PODNL1: variants seen among roughly 807,000 people sequenced by gnomAD.
PODNL1 encodes podocan like 1, also known as podocan-like protein 1.
A neutral mutation model predicts 45.1 loss-of-function variants in PODNL1; 50 were observed. The observed-to-expected ratio is 1.11, with a 90% CI of 0.88 to 1.40. The LOEUF (loss-of-function observed/expected upper bound fraction) is 1.40. PODNL1 is among the 40% of genes most tolerant of loss of function. The pLI, the probability that PODNL1 is intolerant of heterozygous loss-of-function variation, is 0.00. For missense variants in PODNL1, 788 were observed against 793.3 expected (o/e 0.99, Z 0.08); for synonymous variants, 406 against 372.5 (o/e 1.09, Z -1.04).
chr19:13,932,907 G>A lies in PODNL1; in HGVS notation c.1316C>T (p.Pro439Leu). 6.3e-7 allele frequency: 1 copy of A among 1,591,152 alleles called. No homozygotes were observed. The highest frequency in any genetic ancestry group is 8.5e-7 in the Non-Finnish European group (1 of 1,170,366). Residue 439 changes from proline to leucine, a missense_variant, in exon 8 of 10, where the codon CCC (proline) becomes CTC (leucine). By Grantham distance (98) the Pro-to-Leu change is moderately conservative. This residue lies in a region of PODNL1 where 762 missense variants were observed against 750.9 expected (regional missense o/e 1.01). Coordinates refer to ENST00000588872, the MANE Select transcript of PODNL1 (RefSeq NM_001370095.3). ...LQRNQLRMLE[P>L]EPLAGLDQLR... ...TTGGTCCAGGCCGGCCAGAGGCTCG[G>A]GCTCGAGCATCCGCAGCTGGTTGCG...
At chr19:13,948,259 C>T (rs1045952421) in intron 1 of PODNL1, among the ~76,000 whole-genome samples, 8 of 150,032 alleles carry the variant, frequency 5.3e-5, no homozygotes, top group African/African-American at 1.5e-4. Context: ...AGTGCAGTGG[C>T]GCAATCTCGG....
intron 8 of PODNL1, 53 bp downstream of exon 8, chr19:13,932,745 C>T: frequency 6.2e-7 from 1 of 1,611,878 alleles, no homozygotes; most frequent in Middle Eastern, 1.7e-4. Flanking sequence ...GCAGGGCAGG[C>T]AGGGGGATGG....
In PODNL1 at chr19:13,931,797, CTCCG is replaced by C. The variant is rs1971955268; in HGVS notation, c.1661_1664del (p.Pro554ArgfsTer4). On this transcript the variant is annotated frameshift_variant, in exon 10 of 10. Coordinates refer to ENST00000588872, the MANE Select transcript of PODNL1 (RefSeq NM_001370095.3). LOFTEE classifies it low-confidence loss of function (END_TRUNC). ...TGGGAGGCAGCCGGATCAGGACCTG[CTCCG>C]GATTCCCTGCCGTGTCCACCACACG... The C allele has an allele frequency of 1.6e-6, 2 of 1,231,728 alleles. No individual in the cohort carries two copies. The highest frequency in any genetic ancestry group is 2.0e-6 in the Non-Finnish European group (2 of 987,912). 76.3% of individuals were successfully genotyped at this position (1,231,728 alleles called of 1,614,324 possible).
chr19:13,934,103 G>A (rs773451759), intron 6 of PODNL1, 110 bp from the exon 7 acceptor site: 70 of 1,382,284 alleles, frequency 5.1e-5, no homozygotes, highest in Non-Finnish European at 6.6e-5. Context: ...AGCTCAAAGC[G>A]ATTTCCAATA....
At position 13,932,939 on chromosome 19, in the gene PODNL1, C is replaced by T; in HGVS notation, c.1284G>A (p.Gln428=). 1.9e-6 allele frequency: 3 copies of T among 1,566,430 alleles called. No homozygotes were observed. The highest frequency in any genetic ancestry group is 2.6e-6 in the Non-Finnish European group (3 of 1,159,946). Reference sequence around the variant, plus strand: ...GCATCCGCAGCTGGTTGCGTTGCAGCTGCAGGGTGCGCAGGCCAGTGGGCA... The same window carrying T: ...GCATCCGCAGCTGGTTGCGTTGCAGTTGCAGGGTGCGCAGGCCAGTGGGCA... ...MGLPTGLRTL[Q]LQRNQLRMLE... The change falls in exon 8 of 10, where the codon CAG becomes CAA. Residue 428 remains glutamine, a synonymous_variant. Transcript: ENST00000588872.
Position 13,937,888 on chromosome 19 carries a change from A to G in PODNL1, c.122T>C (p.Leu41Pro). 1 of 1,578,690 alleles carries G rather than the reference A, an allele frequency of 6.3e-7. No homozygotes were observed. The highest frequency in any genetic ancestry group is 8.6e-7 in the Non-Finnish European group (1 of 1,163,548). ...GTCGACTCGGGGGCAGGAGCAGCGC[A>G]GGGGACAGGCCCGGGGCAGGGGCTG... ...SLQPLPRACPLRCSCPRVDTV... is the reference protein window; with the variant it reads ...SLQPLPRACPPRCSCPRVDTV... Residue 41 changes from leucine to proline, a missense_variant, in exon 2 of 10, where the codon CTG becomes CCG. Physicochemically the swap from Leu to Pro is moderately conservative, Grantham distance 98. Around this residue, in one of 3 missense-constraint regions of PODNL1, gnomAD observed 762 missense variants for 750.9 expected, o/e 1.01. Transcript: ENST00000588872.
At position 13,944,396 on chromosome 19, in the gene PODNL1, C is replaced by T. The variant is rs538056353; in HGVS notation, c.19-6390G>A. On this transcript the variant is annotated intron_variant, in intron 1 of 7. Coordinates refer to the PODNL1 transcript ENST00000538371. ...GCCAGGATGGTCTTGATCTCCTGACCTCATGATCTGCCTGCCTTGGCCTCC... is the reference window on the plus strand; with the variant it reads ...GCCAGGATGGTCTTGATCTCCTGACTTCATGATCTGCCTGCCTTGGCCTCC... Among the ~76,000 whole-genome samples, 7 of 151,920 alleles carry T rather than the reference C, an allele frequency of 4.6e-5. No individual in the cohort carries two copies. The East Asian group carries it at 9.7e-4, about 21-fold the overall frequency.
At chr19:13,948,367 A>ATTT (rs572142449) in intron 1 of PODNL1, among the ~76,000 whole-genome samples, 2 of 130,506 alleles carry the variant, frequency 1.5e-5, no homozygotes, top group Admixed American at 1.6e-4. Flanking sequence ...CGCCCGGCTA[A>ATTT]TTTTTTTTTT....
At chr19:13,941,289 C>T (rs114225902), upstream of PODNL1, among the ~76,000 whole-genome samples, 939 of 150,122 alleles carry the variant, frequency 6.3e-3, 14 homozygotes, top group African/African-American at 0.022. Context: ...TTGCTTGAAC[C>T]TGAGAGCTGG....
chr19:13,951,601 C>T (rs1461897543), intron 1 of PODNL1, among the ~76,000 whole-genome samples: 1 of 152,148 alleles, frequency 6.6e-6, no homozygotes, highest in South Asian at 2.1e-4. Flanking sequence ...AGTGAAACCT[C>T]GTCTCTACTA....
At chr19:13,941,794 C>T (rs996366180), upstream of PODNL1, among the ~76,000 whole-genome samples, 5 of 152,074 alleles carry the variant, frequency 3.3e-5, no homozygotes, top group African/African-American at 9.7e-5. Context: ...GCCTGGGCGA[C>T]AGTGCAAGAC....
chr19:13,938,082 G>A (rs1568438248), intron 1 of PODNL1, 76 bp from the exon 2 acceptor site: 12 of 1,474,468 alleles, frequency 8.1e-6, no homozygotes, highest in Non-Finnish European at 1.1e-5. Context: ...TCCCCTCCTC[G>A]GGGAGGGTCT....
rs144506677 is a variant in PODNL1 at position 13,932,834 on chromosome 19, G to A, written c.1389C>T (p.Ile463=). The change falls in exon 8 of 10, where the codon ATC becomes ATT. Residue 463 remains isoleucine, a synonymous_variant. Coordinates refer to ENST00000588872, the MANE Select transcript of PODNL1 (RefSeq NM_001370095.3). ...LAHNRLRVGD[I]GPGTWHELQA... is the part of the protein sequence containing the mutation. ...GGAGCTCATGCCAGGTGCCTGGCCC[G>A]ATGTCGCCGACCCGGAGCCGGTTGT... The A allele has an allele frequency of 1.7e-5, 28 of 1,612,708 alleles. No homozygotes were observed. The highest frequency in any genetic ancestry group is 5.3e-5 in the African/African-American group (4 of 75,058).
rs572142449 is a variant in PODNL1, at chr19:13,948,367, A to AT, written c.18+4751dup. Among the ~76,000 whole-genome samples, 665 of 130,498 alleles carry AT rather than the reference A, an allele frequency of 5.1e-3. 2 individuals carry two copies. Among genetic ancestry groups the AT allele is most frequent in the Middle Eastern group, 0.012 (3 of 254 alleles). 85.6% of individuals were successfully genotyped at this position (130,498 alleles called of 152,430 possible). The stretch of plus-strand genomic sequence containing the variant: ...AGGCGCCCGCCACCACGCCCGGCTA[A>AT]TTTTTTTTTTTTTTTTTGTATTTTT... On this transcript the variant is annotated intron_variant, in intron 1 of 7. Transcript: ENST00000538371.
At chr19:13,952,563 C>T (rs1973099276) in intron 1 of PODNL1, 1 of 1,262,922 alleles carries the variant, frequency 7.9e-7, no homozygotes. Flanking sequence ...GGAGCGGCGG[C>T]GGCGGCCCCG....
Position 13,933,357 on chromosome 19 carries a change from C to G in PODNL1, c.866G>C (p.Arg289Pro), listed in dbSNP as rs758389798. Residue 289 changes from arginine to proline, a missense_variant, in exon 8 of 10, where the codon CGC (arginine) becomes CCC (proline). Arg to Pro is a moderately radical substitution (Grantham distance 103, BLOSUM62 -2). Coordinates refer to ENST00000588872, the MANE Select transcript of PODNL1 (RefSeq NM_001370095.3). The surrounding 1 kb of genome is among the most constrained non-coding windows in gnomAD (Gnocchi z 5.2). Reference protein sequence around the residue: ...PRTLAILHLGRNRIRQVEAAR... With the variant: ...PRTLAILHLGPNRIRQVEAAR... ...CGCCTCCACCTGCCGGATGCGGTTG[C>G]GGCCCAGGTGCAGGATAGCCAGGGT... 2 of 1,607,452 alleles carry G rather than the reference C, an allele frequency of 1.2e-6. No homozygotes were observed. The highest frequency in any genetic ancestry group is 3.3e-5 in the Admixed American group (2 of 59,750).
upstream of PODNL1, among the ~76,000 whole-genome samples, chr19:13,939,008 C>T (rs531818698): frequency 6.6e-6 from 1 of 152,208 alleles, no homozygotes; most frequent in East Asian, 1.9e-4. Context: ...GGCTTTGGCA[C>T]CCGTGGATGG....
intron 1 of PODNL1, among the ~76,000 whole-genome samples, chr19:13,949,792 C>T (rs1396732412): frequency 4.6e-5 from 7 of 151,978 alleles, no homozygotes. Flanking sequence ...CTCCAGGGCT[C>T]GGGTGATCCT....
rs1401514223 is a variant in PODNL1, at chr19:13,933,167, G to A, written c.1056C>T (p.Arg352=). 2.0e-6 allele frequency: 3 copies of A among 1,532,192 alleles called. No individual in the cohort carries two copies. The highest frequency in any genetic ancestry group is 3.4e-4 in the Middle Eastern group (2 of 5,900). 94.9% of individuals were successfully genotyped at this position (1,532,192 alleles called of 1,614,324 possible). ...TGTGGGGCAGCACCAGGGCACGCAG[G>A]CGGCGGGGCAGGGCTGGAGGCACGC... The part of the protein sequence containing the change: ...LDRVPPALPR[R]LRALVLPHNH... The change falls in exon 8 of 10, where the codon CGC becomes CGT. Residue 352 remains arginine, a synonymous_variant. Coordinates refer to ENST00000588872, the MANE Select transcript of PODNL1 (RefSeq NM_001370095.3). The surrounding 1 kb of genome is among the most constrained non-coding windows in gnomAD (Gnocchi z 5.2).
Sources: gnomAD v4.1 joint callset for allele counts (sites outside exome capture counted in the v4.1 genomes callset) on GRCh38, gnomAD v4.1.1 for gene constraint, gnomAD v4.1.1 regional missense constraint, Gnocchi (gnomAD v3.1) non-coding constraint, MANE v1.5 for transcripts, NCBI Gene and HGNC (gene_info 2026-07-23, HGNC 2026-07-21) for gene names.